ANO6: variants seen among roughly 807,000 people sequenced by gnomAD.
The protein encoded by ANO6 is anoctamin-6.
In ANO6, 106 loss-of-function variants were observed where a neutral mutation model predicts 117.5. That is an observed-to-expected ratio of 0.90 (90% confidence interval 0.77 to 1.06). The LOEUF (loss-of-function observed/expected upper bound fraction) is 1.06, where lower values mean the gene tolerates loss of function less well. Ranked by LOEUF, ANO6 falls within the 50% of genes least tolerant of loss-of-function variation. ANO6 has a pLI of 0.00. For missense variants in ANO6, 955 were observed against 1,121.1 expected (o/e 0.85, Z 2.12); for synonymous variants, 367 against 385.1 (o/e 0.95, Z 0.55).
intron 1 of ANO6, among the ~76,000 whole-genome samples, chr12:45,238,668 G>T (rs1014152757): frequency 7.2e-5 from 11 of 152,134 alleles, no homozygotes; most frequent in Non-Finnish European, 1.5e-4. Context: ...TATGATATTG[G>T]CTGTGGGTTT....
chr12:45,265,260 G>A (rs934453943), intron 1 of ANO6, among the ~76,000 whole-genome samples: 31 of 152,054 alleles, frequency 2.0e-4, no homozygotes, highest in African/African-American at 5.8e-4. Context: ...CTCCCGTGTT[G>A]GATCTACTGT....
chr12:45,386,254 T>C (rs1942295508), intron 10 of ANO6, among the ~76,000 whole-genome samples: 1 of 152,138 alleles, frequency 6.6e-6, no homozygotes, highest in African/African-American at 2.4e-5. Flanking sequence ...ATGGCCCCAA[T>C]TGCCACTTAA....
chr12:45,421,041 C>G lies in ANO6; in HGVS notation c.2218-30C>G, dbSNP rs533172990. On this transcript the variant is annotated intron_variant, in intron 17 of 19. Transcript: ENST00000320560. ...TCTCAAAAACAAAAAACTATAACTT[C>G]ATTTTCGCTTTGTTTTTCTCCCAAA... 678 of 1,610,580 alleles carry G rather than the reference C, an allele frequency of 4.2e-4. 8 individuals are homozygous for G. The South Asian group carries it at 7.0e-3, about 17-fold the overall frequency.
At position 45,306,972 on chromosome 12, in the gene ANO6, G is replaced by A. The variant is rs77384060; in HGVS notation, c.150+4879G>A. The stretch of plus-strand genomic sequence containing the variant: ...AAGAGCATTCCCAGCAGAAGGAGTA[G>A]CATAAACAGGTTTCGAGGTAGGTGA... On this transcript the variant is annotated intron_variant, in intron 2 of 19. Coordinates refer to ENST00000320560, the MANE Select transcript of ANO6 (RefSeq NM_001025356.3). Among the ~76,000 whole-genome samples the A allele has an allele frequency of 8.0e-3, 1,218 of 152,188 alleles. 15 individuals carry two copies. The highest frequency in any genetic ancestry group is 0.028 in the African/African-American group (1,174 of 41,532).
chr12:45,350,605 G>A, intron 6 of ANO6, 54 bp from the exon 7 acceptor site: 1 of 1,395,512 alleles, frequency 7.2e-7, no homozygotes, highest in Non-Finnish European at 1.0e-6. Flanking sequence ...TTAAGAAGCA[G>A]ATTTGTGAAA....
chr12:45,330,900 C>G (rs1940640460), intron 2 of ANO6, among the ~76,000 whole-genome samples: 2 of 151,950 alleles, frequency 1.3e-5, no homozygotes, highest in South Asian at 4.2e-4. Context: ...AGATTTTCAT[C>G]AACAGTGCTT....
chr12:45,350,824 C>A, intron 7 of ANO6, 50 bp downstream of exon 7: 1 of 1,417,388 alleles, frequency 7.1e-7, no homozygotes, highest in Non-Finnish European at 9.9e-7. Flanking sequence ...GGGTGTTACC[C>A]CCACAGCATC....
In ANO6 at chr12:45,378,065, T is replaced by C; in HGVS notation, c.1117T>C (p.Phe373Leu). Residue 373 changes from phenylalanine to leucine, a missense_variant, in exon 10 of 20, where the codon TTC becomes CTC. Phe to Leu is a conservative substitution (Grantham distance 22, BLOSUM62 0). Transcript: ENST00000320560. ...TTATATTTTCCAGAAATTGTGCATC[T>C]TCGACAGTTTTGGAACCCTGGTCTT... ...TCESSKKLCIFDSFGTLVFAV... is the reference protein window; with the variant it reads ...TCESSKKLCILDSFGTLVFAV... 1 of 1,613,758 alleles carries C rather than the reference T, an allele frequency of 6.2e-7. No homozygotes were observed. The highest frequency in any genetic ancestry group is 1.1e-5 in the South Asian group (1 of 91,070).
intron 9 of ANO6, among the ~76,000 whole-genome samples, chr12:45,375,727 C>T (rs1163576442): frequency 3.2e-4 from 48 of 150,524 alleles, no homozygotes; most frequent in Non-Finnish European, 2.4e-4. Flanking sequence ...AAGACTTAAA[C>T]GTTAGACCTA....
At chr12:45,376,887 AAG>A (rs1491185951) in intron 9 of ANO6, among the ~76,000 whole-genome samples, 2,071 of 147,802 alleles carry the variant, frequency 0.014, 43 homozygotes, top group African/African-American at 0.049. Flanking sequence ...GAAAAAAAAA[AAG>A]AAGAAGAATG....
At chr12:45,270,449 C>T in intron 1 of ANO6, 1 of 1,523,698 alleles carries the variant, frequency 6.6e-7, no homozygotes. Context: ...ATTGATGCCT[C>T]CTCATCCTTC....
At position 45,416,923 on chromosome 12, in the gene ANO6, T is replaced by C. The variant is rs763132017; in HGVS notation, c.2217+19T>C. On this transcript the variant is annotated intron_variant, in intron 17 of 19. Transcript: ENST00000320560. ...GACCAATGTGAGTAGACCTAAGCTT[T>C]ACAGAGTAAAGACCTTGAAGATGCA... 4 of 1,613,234 alleles carry C rather than the reference T, an allele frequency of 2.5e-6. No individual in the cohort carries two copies. The highest frequency in any genetic ancestry group is 3.4e-6 in the Non-Finnish European group (4 of 1,179,280).
chr12:45,409,761 G>T (rs913009507), intron 16 of ANO6, among the ~76,000 whole-genome samples: 1 of 152,024 alleles, frequency 6.6e-6, no homozygotes, highest in African/African-American at 2.4e-5. Flanking sequence ...AATTCTTTTT[G>T]TTTGTTTTTT....
At chr12:45,229,868 G>A (rs1432925938) in intron 1 of ANO6, among the ~76,000 whole-genome samples, 8 of 73,964 alleles carry the variant, frequency 1.1e-4, no homozygotes, top group South Asian at 7.5e-4. Flanking sequence ...ACAACTTCCC[G>A]CCCACCCCCC....
chr12:45,318,299 T>C (rs1250614109), intron 2 of ANO6, among the ~76,000 whole-genome samples: 2 of 152,232 alleles, frequency 1.3e-5, no homozygotes, highest in East Asian at 3.8e-4. Context: ...TTAATTTTTG[T>C]ATAAGGCGTA....
At chr12:45,433,004 C>T (rs1456097472), downstream of ANO6, among the ~76,000 whole-genome samples, 4 of 152,198 alleles carry the variant, frequency 2.6e-5, no homozygotes, top group Non-Finnish European at 4.4e-5. Flanking sequence ...TCTCCAGTTA[C>T]AATCCAGGAA....
At chr12:45,317,966 G>GTTGT (rs1036407940) in intron 2 of ANO6, among the ~76,000 whole-genome samples, 1 of 152,132 alleles carries the variant, frequency 6.6e-6, no homozygotes, top group African/African-American at 2.4e-5. Context: ...TTTTGATGGG[G>GTTGT]TTGTTTGTTT....
At chr12:45,236,027 G>C (rs1947640073) in intron 1 of ANO6, among the ~76,000 whole-genome samples, 1 of 152,318 alleles carries the variant, frequency 6.6e-6, no homozygotes, top group East Asian at 1.9e-4. Context: ...AGGGGAGAAG[G>C]GTCCTCTCTG....
intron 1 of ANO6, among the ~76,000 whole-genome samples, chr12:45,282,611 G>A (rs1201137360): frequency 6.6e-6 from 1 of 152,200 alleles, no homozygotes; most frequent in African/African-American, 2.4e-5. Flanking sequence ...ACTGATGGGG[G>A]CTGAGTCCAT....
Sources: allele counts gnomAD v4.1 joint callset (sites outside exome capture counted in the v4.1 genomes callset), GRCh38; gene constraint gnomAD v4.1.1; transcripts MANE v1.5; gene names NCBI Gene and HGNC (gene_info 2026-07-23, HGNC 2026-07-21).